EYS: variants seen among roughly 807,000 people sequenced by gnomAD.
The protein encoded by EYS is EGF-like photoreceptor maintenance factor.
In EYS, 250 loss-of-function variants were observed where a neutral mutation model predicts 282.1. The ratio of observed to expected loss-of-function variants is 0.89; its 90% CI spans 0.80 to 0.98. EYS has a LOEUF of 0.98. Ranked by LOEUF, EYS falls within the 50% of genes least tolerant of loss-of-function variation. The pLI is 0.00. For synonymous variants in EYS, 1,355 were observed against 1,282.9 expected (o/e 1.06, Z -1.20); for missense variants, 4,016 against 3,709.0 (o/e 1.08, Z -2.15).
At chr6:64,758,072 C>T (rs542079326) in intron 22 of EYS, among the ~76,000 whole-genome samples, 15 of 152,048 alleles carry the variant, frequency 9.9e-5, no homozygotes, top group Non-Finnish European at 1.8e-4. Flanking sequence ...CTGTGCCCGG[C>T]CCAAAAGATT....
intron 14 of EYS, among the ~76,000 whole-genome samples, chr6:64,947,087 G>A (rs989339063): frequency 1.1e-4 from 17 of 151,824 alleles, no homozygotes; most frequent in Admixed American, 8.6e-4. Flanking sequence ...ATTACAGAAC[G>A]CATCTTAGTT....
chr6:65,009,209 C>CAA (rs879480583), intron 13 of EYS, among the ~76,000 whole-genome samples: 1 of 152,056 alleles, frequency 6.6e-6, no homozygotes, highest in African/African-American at 2.4e-5. Flanking sequence ...CTTTCCCTAC[C>CAA]AAAGGCAGTA....
chr6:65,426,044 T>C (rs1010190881), intron 5 of EYS, among the ~76,000 whole-genome samples: 2 of 152,104 alleles, frequency 1.3e-5, no homozygotes, highest in Non-Finnish European at 2.9e-5. Flanking sequence ...GGCACAATCA[T>C]AGCCCACTGC....
intron 32 of EYS, among the ~76,000 whole-genome samples, chr6:64,076,816 A>G (rs867760823): frequency 2.6e-4 from 39 of 152,072 alleles, no homozygotes; most frequent in African/African-American, 9.1e-4. Flanking sequence ...AGGAGATGTA[A>G]GCACAGACTC....
chr6:65,439,001 G>T (rs1768196014), intron 5 of EYS, among the ~76,000 whole-genome samples: 2 of 152,254 alleles, frequency 1.3e-5, no homozygotes, highest in African/African-American at 4.8e-5. Flanking sequence ...TAACATTTAA[G>T]TCTTTAATCC....
At position 65,396,443 on chromosome 6, in the gene EYS, C is replaced by T. The variant is rs77472534; in HGVS notation, c.1184+6035G>A. Among the ~76,000 whole-genome samples the T allele has an allele frequency of 4.3e-3, 659 of 152,210 alleles. 5 individuals carry two copies. The highest frequency in any genetic ancestry group is 0.015 in the African/African-American group (605 of 41,544). On this transcript the variant is annotated intron_variant, in intron 7 of 42. Transcript: ENST00000503581. ...CCTACCAATCTTCAGTGTCTGTCATCCCCATCATACTCTCTGTTGCCTCCT... is the reference window on the plus strand; with the variant it reads ...CCTACCAATCTTCAGTGTCTGTCATTCCCATCATACTCTCTGTTGCCTCCT...
At chr6:65,585,661 C>T (rs115231291) in intron 2 of EYS, among the ~76,000 whole-genome samples, 426 of 151,880 alleles carry the variant, frequency 2.8e-3, no homozygotes, top group Middle Eastern at 0.01. Flanking sequence ...CAATTTTAAA[C>T]ATCTTTTCCA....
intron 2 of EYS, among the ~76,000 whole-genome samples, chr6:65,583,206 T>C (rs1046078981): frequency 1.1e-4 from 16 of 152,200 alleles, no homozygotes; most frequent in African/African-American, 3.6e-4. Context: ...ATCTAGGTTA[T>C]AATACTCCAG....
intron 12 of EYS, among the ~76,000 whole-genome samples, chr6:65,132,515 T>C (rs924267638): frequency 2.0e-5 from 3 of 152,022 alleles, no homozygotes; most frequent in Non-Finnish European, 4.4e-5. Flanking sequence ...TCAAAATCTC[T>C]TCATGTTAAA....
chr6:65,315,114 G>GA (rs1410015461), intron 11 of EYS, among the ~76,000 whole-genome samples: 1 of 152,018 alleles, frequency 6.6e-6, no homozygotes, highest in Non-Finnish European at 1.5e-5. Flanking sequence ...ATACTTAACT[G>GA]AAAATCACCA....
At chr6:63,888,555 G>A (rs1469950863) in intron 35 of EYS, among the ~76,000 whole-genome samples, 1 of 152,204 alleles carries the variant, frequency 6.6e-6, no homozygotes, top group Non-Finnish European at 1.5e-5. Flanking sequence ...AGGTCAGACT[G>A]GTAGAAGGAA....
At chr6:65,017,872 A>G (rs1772104824) in intron 13 of EYS, among the ~76,000 whole-genome samples, 1 of 152,134 alleles carries the variant, frequency 6.6e-6, no homozygotes, top group African/African-American at 2.4e-5. Context: ...GTAACCTCAT[A>G]GAGTAGAGGC....
At chr6:65,051,377 C>G (rs554658169) in intron 13 of EYS, among the ~76,000 whole-genome samples, 1 of 151,502 alleles carries the variant, frequency 6.6e-6, no homozygotes, top group East Asian at 1.9e-4. Context: ...TAGTTTGATG[C>G]CAGTAAATTC....
intron 22 of EYS, among the ~76,000 whole-genome samples, chr6:64,747,713 T>C (rs996787654): frequency 6.6e-6 from 1 of 152,186 alleles, no homozygotes. Context: ...TTTCTCTCTC[T>C]GATCTGTTTG....
In EYS at chr6:65,405,356, C is replaced by T; in HGVS notation, c.874G>A (p.Glu292Lys). 1 of 1,603,506 alleles carries T rather than the reference C, an allele frequency of 6.2e-7. No homozygotes were observed. Among genetic ancestry groups the T allele is most frequent in the Non-Finnish European group, 8.5e-7 (1 of 1,175,392 alleles). Reference sequence around the variant, plus strand: ...GAAACACAAGGTTTTGCTGACACCTCACAGAATGGACCTTAAAAAAATCAC... The same window carrying T: ...GAAACACAAGGTTTTGCTGACACCTTACAGAATGGACCTTAAAAAAATCAC... ...CDEQFSGPFC[E>K]VSAKPCVSLL... Residue 292 changes from glutamate to lysine, a missense_variant, in exon 6 of 43, where the codon GAG becomes AAG. Transcript: ENST00000503581.
chr6:64,621,964 T>C lies in EYS; in HGVS notation c.3568+4157A>G, dbSNP rs113395459. On this transcript the variant is annotated intron_variant, in intron 23 of 42. Coordinates refer to ENST00000503581, the MANE Select transcript of EYS (RefSeq NM_001142800.2). The stretch of plus-strand genomic sequence containing the variant: ...TAGATAACACTATACATGGTACTAT[T>C]TCGGCTAAAAACACACTAAGTGTGT... Among the ~76,000 whole-genome samples the C allele has an allele frequency of 2.0e-3, 310 of 152,298 alleles. 3 individuals are homozygous for C. Among genetic ancestry groups the C allele is most frequent in the African/African-American group, 7.2e-3 (301 of 41,562 alleles).
At chr6:64,189,385 G>A (rs1335343167) in intron 31 of EYS, among the ~76,000 whole-genome samples, 2 of 152,120 alleles carry the variant, frequency 1.3e-5, no homozygotes, top group Non-Finnish European at 2.9e-5. Flanking sequence ...GAAGAATAAC[G>A]TTTTGTGCTT....
At position 64,075,638 on chromosome 6, in the gene EYS, A is replaced by G. The variant is rs145977908; in HGVS notation, c.6571+6218T>C. Reference sequence around the variant, plus strand: ...TTGCTAGGATGAACATGGCTGTTAAATGGATATAACATTCGTAACACCTCT... The same window carrying G: ...TTGCTAGGATGAACATGGCTGTTAAGTGGATATAACATTCGTAACACCTCT... On this transcript the variant is annotated intron_variant, in intron 32 of 42. Coordinates refer to ENST00000503581, the MANE Select transcript of EYS (RefSeq NM_001142800.2). Among the ~76,000 whole-genome samples, 615 of 152,054 alleles carry G rather than the reference A, an allele frequency of 4.0e-3. 3 individuals carry two copies. The highest frequency in any genetic ancestry group is 0.014 in the African/African-American group (583 of 41,510).
intron 36 of EYS, among the ~76,000 whole-genome samples, chr6:63,832,684 GA>G (rs2149692325): frequency 6.6e-6 from 1 of 152,170 alleles, no homozygotes; most frequent in African/African-American, 2.4e-5. Flanking sequence ...CCAATCAATA[GA>G]AAAAGAGGGA....
Sources: gnomAD v4.1 joint callset for allele counts (sites outside exome capture counted in the v4.1 genomes callset) on GRCh38, gnomAD v4.1.1 for gene constraint, MANE v1.5 for transcripts, NCBI Gene and HGNC (gene_info 2026-07-23, HGNC 2026-07-21) for gene names.